Variants in BRPF1 observed in about 807,000 individuals in gnomAD.
The protein encoded by BRPF1 is peregrin.
Under a neutral mutation model 115.0 loss-of-function variants are expected in BRPF1, and 15 were observed. The ratio of observed to expected loss-of-function variants is 0.13; its 90% CI spans 0.09 to 0.20. The LOEUF (loss-of-function observed/expected upper bound fraction) is 0.20. Among genes scored for constraint, BRPF1 ranks in the 10% least tolerant of loss-of-function variants. BRPF1 has a pLI of 1.00. For missense variants in BRPF1, 1,118 were observed against 1,638.3 expected, an observed-to-expected ratio of 0.68 and a Z score of 5.48; for synonymous variants, 647 against 619.8, an observed-to-expected ratio of 1.04 and a Z score of -0.65.
At chr3:9,737,045 C>G (rs1160382374) in intron 2 of BRPF1, among the ~76,000 whole-genome samples, 1 of 152,174 alleles carries the variant, frequency 6.6e-6, no homozygotes, top group African/African-American at 2.4e-5. Flanking sequence ...GTGCCAAGGC[C>G]TGGAAGAAGC....
In BRPF1 at chr3:9,734,410, G is replaced by GA. The variant is rs1366869481; in HGVS notation, c.271dup (p.Ser91LysfsTer24). ...CACAGTCACCAGGCCGTGAGGTGATGAGCTATGCACAGGCCCAGCGCATGG... is the reference window on the plus strand; with the variant it reads ...CACAGTCACCAGGCCGTGAGGTGATGAAGCTATGCACAGGCCCAGCGCATGG... On this transcript the variant is annotated frameshift_variant, in exon 2 of 14. Coordinates refer to ENST00000383829, the MANE Select transcript of BRPF1 (RefSeq NM_001003694.2). LOFTEE classifies it high-confidence loss of function. The surrounding 1 kb of genome is among the most constrained non-coding windows in gnomAD (Gnocchi z 5.7). 1 of 1,614,140 alleles carries GA rather than the reference G, an allele frequency of 6.2e-7. No homozygotes were observed. The highest frequency in any genetic ancestry group is 1.7e-5 in the Admixed American group (1 of 60,026).
Position 9,743,873 on chromosome 3 carries a change from G to A in BRPF1, c.2607G>A (p.Glu869=). 2 of 1,589,052 alleles carry A rather than the reference G, an allele frequency of 1.3e-6. No individual in the cohort carries two copies. The highest frequency in any genetic ancestry group is 1.7e-6 in the Non-Finnish European group (2 of 1,163,430). Residue 869 remains glutamate (E), a synonymous_variant, in exon 8 of 14, where the codon GAG becomes GAA. Coordinates refer to ENST00000383829, the MANE Select transcript of BRPF1 (RefSeq NM_001003694.2). This position sits in a 1 kb window ranked among gnomAD's most constrained non-coding sequence, Gnocchi z 6.1. ...DKDGQTDSAA[E]ESSSQETSKG... ...ATGGGCAGACAGATAGTGCGGCAGAGGAGAGCAGCAGCCAGGAGACAAGCA... is the reference window on the plus strand; with the variant it reads ...ATGGGCAGACAGATAGTGCGGCAGAAGAGAGCAGCAGCCAGGAGACAAGCA...
In BRPF1 at chr3:9,743,480, C is replaced by T. The variant is rs540612157; in HGVS notation, c.2312-98C>T. 5 of 1,388,942 alleles carry T rather than the reference C, an allele frequency of 3.6e-6. No homozygotes were observed. Among genetic ancestry groups the T allele is most frequent in the South Asian group, 2.7e-5 (2 of 74,900 alleles). The allele number at this position is 1,388,942 out of a possible 1,614,324, so 86.0% of individuals were successfully genotyped here. A position where few individuals can be genotyped will look rare whatever the true frequency, so the allele number is the denominator to read the frequency against. On this transcript the variant is annotated intron_variant, in intron 7 of 13. Coordinates refer to ENST00000383829, the MANE Select transcript of BRPF1 (RefSeq NM_001003694.2). The surrounding 1 kb of genome is among the most constrained non-coding windows in gnomAD (Gnocchi z 6.1). ...TTTTACAGCTGTTCCTGGTGAGAAG[C>T]CCAGGGGGGATGAGTGGGTTTCTTG...
In BRPF1 at chr3:9,744,498, C is replaced by A. The variant is rs750586268; in HGVS notation, c.2910C>A (p.Asp970Glu). 2 of 1,524,756 alleles carry A rather than the reference C, an allele frequency of 1.3e-6. No individual in the cohort carries two copies. The highest frequency in any genetic ancestry group is 1.8e-6 in the Non-Finnish European group (2 of 1,136,982). The allele number at this position is 1,524,756 out of a possible 1,614,324, so 94.5% of individuals were successfully genotyped here. Residue 970 changes from aspartate to glutamate, a missense_variant, in exon 9 of 14, where the codon GAC becomes GAA. Coordinates refer to ENST00000383829, the MANE Select transcript of BRPF1 (RefSeq NM_001003694.2). ...SDSDSDKSTE[D>E]PPMDLPANGF... ...GCGACAGTGATAAGTCCACAGAAGA[C>A]CCCCCAATGGGTGAGCCTTACCATC...
At chr3:9,741,959 T>C in intron 5 of BRPF1, 66 bp from the exon 6 acceptor site, 1 of 1,590,440 alleles carries the variant, frequency 6.3e-7, no homozygotes, top group Non-Finnish European at 8.6e-7. Context: ...GCTGGGACCA[T>C]ATCCTCAGAC....
rs2077156464 is a variant in BRPF1, at chr3:9,747,978, A to G, written c.*629A>G. On this transcript the variant is annotated 3_prime_UTR_variant, in exon 14 of 14. Transcript: ENST00000383829. The surrounding 1 kb of genome is among the most constrained non-coding windows in gnomAD (Gnocchi z 5.6). ...TTTGTATTTATTTCAAAGGAAGAAA[A>G]TATATTGATTCTTAGAAAATAAACT... 6.6e-6 allele frequency: 1 copy of G among 152,394 alleles called. No individual in the cohort carries two copies. The highest frequency in any genetic ancestry group is 1.5e-5 in the Non-Finnish European group (1 of 68,048). The allele number at this position is 152,394 out of a possible 1,614,324, so 9.4% of individuals were successfully genotyped here.
chr3:9,744,506 T>A lies in BRPF1; in HGVS notation c.2918T>A (p.Met973Lys). Residue 973 changes from methionine to lysine, a missense_variant and splice_region_variant, in exon 9 of 14, where the codon ATG becomes AAG. Physicochemically the swap from Met to Lys is moderately conservative, Grantham distance 95. Around this residue, in one of 10 missense-constraint regions of BRPF1, gnomAD observed 92 missense variants for 102.2 expected, o/e 0.90. Transcript: ENST00000383829. ...DSDKSTEDPP[M>K]DLPANGFSGG... ...GATAAGTCCACAGAAGACCCCCCAA[T>A]GGGTGAGCCTTACCATCACCCAGCC... 9.3e-6 allele frequency: 14 copies of A among 1,511,412 alleles called. No individual in the cohort carries two copies. Among genetic ancestry groups the A allele is most frequent in the Non-Finnish European group, 1.2e-5 (14 of 1,131,106 alleles). The allele number at this position is 1,511,412 out of a possible 1,614,324, so 93.6% of individuals were successfully genotyped here.
In BRPF1 at chr3:9,744,519, C is replaced by A. The variant is rs748876690; in HGVS notation, c.2920+11C>A. ...AAGACCCCCCAATGGGTGAGCCTTA[C>A]CATCACCCAGCCCCCCAAGAGAGTG... On this transcript the variant is annotated intron_variant, in intron 9 of 13. Transcript: ENST00000383829. 2 of 1,500,192 alleles carry A rather than the reference C, an allele frequency of 1.3e-6. No individual in the cohort carries two copies. The highest frequency in any genetic ancestry group is 1.4e-5 in the South Asian group (1 of 72,288). The allele number at this position is 1,500,192 out of a possible 1,614,324, so 92.9% of individuals were successfully genotyped here.
rs764754123 is a variant in BRPF1, at chr3:9,739,184, A to G, written c.785A>G (p.Asn262Ser). 5 of 1,613,950 alleles carry G rather than the reference A, an allele frequency of 3.1e-6. No individual in the cohort carries two copies. Among genetic ancestry groups the G allele is most frequent in the South Asian group, 2.2e-5 (2 of 91,054 alleles). The change falls in exon 3 of 14, where the codon AAT becomes AGT. Residue 262 changes from asparagine to serine, a missense_variant. By Grantham distance (46) the Asn-to-Ser change is conservative. Coordinates refer to ENST00000383829, the MANE Select transcript of BRPF1 (RefSeq NM_001003694.2). ...LEKESYFESHNKGDPNALVDE... is the reference protein window; with the variant it reads ...LEKESYFESHSKGDPNALVDE... ...AAGGAGTCGTACTTTGAGAGTCATA[A>G]TAAAGGCGACCCTAATGCGCTAGTG...
Position 9,745,111 on chromosome 3 carries a change from G to A in BRPF1, c.3024G>A (p.Glu1008=). 6.2e-7 allele frequency: 1 copy of A among 1,614,230 alleles called. No individual in the cohort carries two copies. The highest frequency in any genetic ancestry group is 8.5e-7 in the Non-Finnish European group (1 of 1,180,050). Reference sequence around the variant, plus strand: ...TTCCCCGGAGCAGCTCAGACTCTGAGTCCAGCAGCAGTAGCAGTAGCAGCG... The same window carrying A: ...TTCCCCGGAGCAGCTCAGACTCTGAATCCAGCAGCAGTAGCAGTAGCAGCG... The part of the protein sequence containing the change: ...CSLPRSSSDS[E]SSSSSSSSAA... Residue 1008 remains glutamate, a synonymous_variant, in exon 10 of 14, where the codon GAG becomes GAA. Transcript: ENST00000383829. The surrounding 1 kb of genome is among the most constrained non-coding windows in gnomAD (Gnocchi z 5.1).
rs760298946 is a variant in BRPF1 at position 9,734,354 on chromosome 3, A to C, written c.214A>C (p.Asn72His). Residue 72 changes from asparagine (N) to histidine (H), a missense_variant, in exon 2 of 14, where the codon AAC becomes CAC. Physicochemically the swap from Asn to His is moderately conservative, Grantham distance 68. This residue lies in a region of BRPF1 where 280 missense variants were observed against 382.8 expected (regional missense o/e 0.73). Coordinates refer to ENST00000383829, the MANE Select transcript of BRPF1 (RefSeq NM_001003694.2). The surrounding 1 kb of genome is among the most constrained non-coding windows in gnomAD (Gnocchi z 5.7). ...AAAGGGGCGCCAGTCACGCCCAGCC[A>C]ACAAGCAGTCACCCAGCCCCTCAGA... ...KKKGRQSRPA[N>H]KQSPSPSEVS... The C allele has an allele frequency of 4.3e-6, 7 of 1,613,996 alleles. No individual in the cohort carries two copies. Among genetic ancestry groups the C allele is most frequent in the Admixed American group, 3.3e-5 (2 of 59,996 alleles).
Position 9,745,679 on chromosome 3 carries a change from G to C in BRPF1, c.3175G>C (p.Val1059Leu), listed in dbSNP as rs757177099. The change falls in exon 11 of 14, where the codon GTG (valine) becomes CTG (leucine). Residue 1059 changes from valine (V) to leucine (L), a missense_variant. Val to Leu is a conservative substitution (Grantham distance 32, BLOSUM62 1). Coordinates refer to ENST00000383829, the MANE Select transcript of BRPF1 (RefSeq NM_001003694.2). This position sits in a 1 kb window ranked among gnomAD's most constrained non-coding sequence, Gnocchi z 5.1. ...TSGTENEAYS[V>L]GTGRGVGHSM... The stretch of plus-strand genomic sequence containing the variant: ...AGGCACTGAGAATGAGGCCTACTCC[G>C]TGGGCACTGGCCGCGGCGTGGGCCA... 2.5e-6 allele frequency: 4 copies of C among 1,614,244 alleles called. No individual in the cohort carries two copies. The highest frequency in any genetic ancestry group is 2.5e-6 in the Non-Finnish European group (3 of 1,180,036).
chr3:9,742,424 G>A, intron 6 of BRPF1: 1 of 985,410 alleles, frequency 1.0e-6, no homozygotes, highest in Non-Finnish European at 1.2e-6. Context: ...AATAATCCCA[G>A]GGCAGGAAGA....
At chr3:9,733,048 G>GGCA (rs1324581431) in intron 1 of BRPF1, 1 of 152,262 alleles carries the variant, frequency 6.6e-6, no homozygotes, top group Non-Finnish European at 1.5e-5. Context: ...TCGCGTTCGT[G>GGCA]TTTGTACCCT....
At position 9,743,388 on chromosome 3, in the gene BRPF1, G is replaced by A; in HGVS notation, c.2311+135G>A. The A allele has an allele frequency of 1.5e-6, 2 of 1,309,662 alleles. No individual in the cohort carries two copies. Among genetic ancestry groups the A allele is most frequent in the Non-Finnish European group, 2.1e-6 (2 of 964,940 alleles). The allele number at this position is 1,309,662 out of a possible 1,614,324, so 81.1% of individuals were successfully genotyped here. On this transcript the variant is annotated intron_variant, in intron 7 of 13. Transcript: ENST00000383829. The surrounding 1 kb of genome is among the most constrained non-coding windows in gnomAD (Gnocchi z 6.1). The stretch of plus-strand genomic sequence containing the variant: ...GCAGTGGCAAGCTATCCCCAGGAAT[G>A]CTCCCCAAGAAGCCAGACTGGGTGA...
At chr3:9,742,213 C>G in intron 6 of BRPF1, 42 bp downstream of exon 6, 1 of 1,607,052 alleles carries the variant, frequency 6.2e-7, no homozygotes, top group Non-Finnish European at 8.5e-7. Flanking sequence ...CTCTGTTCCT[C>G]TCCCAGTTGG....
chr3:9,735,017 CTTTTTTTTTTT>C (rs781439048), intron 2 of BRPF1, among the ~76,000 whole-genome samples: 1 of 120,202 alleles, frequency 8.3e-6, no homozygotes, highest in Non-Finnish European at 1.7e-5. Context: ...CAGATTTATC[CTTTTTTTTTTT>C]TTTTTTTTTT....
intron 2 of BRPF1, 145 bp from the exon 3 acceptor site, chr3:9,738,854 T>A (rs1475496329): frequency 1.2e-5 from 8 of 684,856 alleles, no homozygotes; most frequent in Non-Finnish European, 1.8e-5. Flanking sequence ...GTACCTATAA[T>A]ATCTGGAGTT....
Position 9,743,160 on chromosome 3 carries a change from C to T in BRPF1, c.2218C>T (p.Arg740Cys), listed in dbSNP as rs1057207902. The change falls in exon 7 of 14, where the codon CGC (arginine) becomes TGC (cysteine). Residue 740 changes from arginine (R) to cysteine (C), a missense_variant. Arg to Cys is a radical substitution (Grantham distance 180). Coordinates refer to ENST00000383829, the MANE Select transcript of BRPF1 (RefSeq NM_001003694.2). This position sits in a 1 kb window ranked among gnomAD's most constrained non-coding sequence, Gnocchi z 6.1. Reference protein sequence around the residue: ...QGGAVLRQARRQAEKMGIDFE... With the variant: ...QGGAVLRQARCQAEKMGIDFE... The stretch of plus-strand genomic sequence containing the variant: ...TGGTGCTGTGCTCCGCCAGGCCCGG[C>T]GCCAGGCAGAAAAAATGGGCATTGA... 1.9e-6 allele frequency: 3 copies of T among 1,614,212 alleles called. No individual in the cohort carries two copies. The highest frequency in any genetic ancestry group is 1.3e-5 in the African/African-American group (1 of 75,058).
Sources: gnomAD v4.1 joint callset for allele counts (sites outside exome capture counted in the v4.1 genomes callset) on GRCh38, gnomAD v4.1.1 for gene constraint, gnomAD v4.1.1 regional missense constraint, Gnocchi (gnomAD v3.1) non-coding constraint, MANE v1.5 for transcripts, NCBI Gene and HGNC (gene_info 2026-07-23, HGNC 2026-07-21) for gene names.